The following KAT2A variants were observed in gnomAD, a reference collection of about 807,000 sequenced individuals.
KAT2A encodes lysine acetyltransferase 2A, also known as histone acetyltransferase KAT2A.
Under a neutral mutation model 95.2 loss-of-function variants are expected in KAT2A, and 42 were observed. The ratio of observed to expected loss-of-function variants is 0.44; its 90% confidence interval spans 0.34 to 0.57. The LOEUF (loss-of-function observed/expected upper bound fraction) is 0.57, where lower values mean the gene tolerates loss of function less well. KAT2A is among the 20% of genes least tolerant of loss of function. The pLI is 0.01. For synonymous variants in KAT2A, 449 were observed against 448.2 expected (o/e 1.00, Z -0.02); for missense variants, 784 against 1,126.3 (o/e 0.70, Z 4.35).
chr17:42,114,799 G>C lies in KAT2A; in HGVS notation c.2019+93C>G, dbSNP rs1482499270. The C allele has an allele frequency of 6.6e-6, 9 of 1,362,000 alleles. No individual in the cohort carries two copies. The highest frequency in any genetic ancestry group is 8.3e-6 in the Non-Finnish European group (8 of 963,574). 84.4% of individuals were successfully genotyped at this position (1,362,000 alleles called of 1,614,324 possible). ...CCCCTCCTCACTCACACACATATAT[G>C]CATGTAGACGTAGAACAGGTCTACA... is the stretch of plus-strand genomic sequence containing the variant. On this transcript the variant is annotated intron_variant, in intron 13 of 17. Transcript: ENST00000225916. The surrounding 1 kb of genome is among the most constrained non-coding windows in gnomAD (Gnocchi z 6.0).
At position 42,117,202 on chromosome 17, in the gene KAT2A, C is replaced by A; in HGVS notation, c.1638-41G>T. The A allele has an allele frequency of 6.2e-7, 1 of 1,611,032 alleles. No individual in the cohort carries two copies. Among genetic ancestry groups the A allele is most frequent in the South Asian group, 1.1e-5 (1 of 90,910 alleles). ...GCATGTCATAGCCCCTGACTGTCCC[C>A]TTCAGGTCCCCAGAGCCCTGGAAGT... On this transcript the variant is annotated intron_variant, in intron 10 of 17. Coordinates refer to ENST00000225916, the MANE Select transcript of KAT2A (RefSeq NM_021078.3). The surrounding 1 kb of genome is among the most constrained non-coding windows in gnomAD (Gnocchi z 8.9).
In KAT2A at chr17:42,119,422, C is replaced by A. The variant is rs2054304976; in HGVS notation, c.896G>T (p.Cys299Phe). ...KVNYTRWLCY[C>F]HVPQSCDSLP... ...GCTATCACAGCTCTGGGGCACGTGG[C>A]AGTAACAGAGCCATCTGGAGTAGGG... Residue 299 changes from cysteine (C) to phenylalanine (F), a missense_variant, in exon 6 of 18, where the codon TGC becomes TTC. Physicochemically the swap from Cys to Phe is radical, Grantham distance 205. This residue lies in a region of KAT2A where 208 missense variants were observed against 339.7 expected (regional missense o/e 0.61). Coordinates refer to ENST00000225916, the MANE Select transcript of KAT2A (RefSeq NM_021078.3). This position sits in a 1 kb window ranked among gnomAD's most constrained non-coding sequence, Gnocchi z 5.3. The A allele has an allele frequency of 6.2e-7, 1 of 1,611,546 alleles. No individual in the cohort carries two copies. Among genetic ancestry groups the A allele is most frequent in the Non-Finnish European group, 8.5e-7 (1 of 1,178,314 alleles).
Position 42,116,356 on chromosome 17 carries a change from G to C in KAT2A, c.1765-523C>G, listed in dbSNP as rs548764162. On this transcript the variant is annotated intron_variant, in intron 11 of 17. Coordinates refer to ENST00000225916, the MANE Select transcript of KAT2A (RefSeq NM_021078.3). ...GAGGTATGCGACACACAGAGCCAGA[G>C]ACCCTACGAGTGGGTCTGTTGTAAC... Among the ~76,000 whole-genome samples the C allele has an allele frequency of 2.6e-5, 4 of 152,328 alleles. No individual in the cohort carries two copies. The East Asian group carries it at 5.8e-4, about 22-fold the overall frequency.
chr17:42,120,698 T>C lies in KAT2A; in HGVS notation c.463+8A>G. On this transcript the variant is annotated splice_region_variant and intron_variant, in intron 2 of 17. Transcript: ENST00000225916. Reference sequence around the variant, plus strand: ...TGCCCCCAGCTCCAAGGGCGCTGCCTGCCTTACCCAAGGGGTGCTCACAAC... The same window carrying C: ...TGCCCCCAGCTCCAAGGGCGCTGCCCGCCTTACCCAAGGGGTGCTCACAAC... 1 of 1,613,966 alleles carries C rather than the reference T, an allele frequency of 6.2e-7. No homozygotes were observed.
rs1162715824 is a variant in KAT2A, at chr17:42,120,984, C to T, written c.321G>A (p.Gly107=). The T allele has an allele frequency of 6.3e-7, 1 of 1,589,908 alleles. No individual in the cohort carries two copies. Among genetic ancestry groups the T allele is most frequent in the Admixed American group, 1.7e-5 (1 of 57,726 alleles). The change falls in exon 1 of 18, where the codon GGG becomes GGA. Residue 107 remains glycine (G), a synonymous_variant. Coordinates refer to ENST00000225916, the MANE Select transcript of KAT2A (RefSeq NM_021078.3). ...CCCCCACCTTGCAAGCCGAGAAGAC[C>T]CCTAGCTTCTCAAGCTTCTTGGCGC... ...LPRAKKLEKL[G]VFSACKANET... is the part of the protein sequence containing the mutation.
In KAT2A at chr17:42,114,023, T is replaced by C; in HGVS notation, c.2297A>G (p.Tyr766Cys). The C allele has an allele frequency of 6.6e-7, 1 of 1,519,136 alleles. No individual in the cohort carries two copies. The highest frequency in any genetic ancestry group is 2.7e-5 in the Admixed American group (1 of 37,628). 94.1% of individuals were successfully genotyped at this position (1,519,136 alleles called of 1,614,324 possible). The change falls in exon 17 of 18, where the codon TAC becomes TGC. Residue 766 changes from tyrosine (Y) to cysteine (C), a missense_variant. Tyr to Cys is a radical substitution (Grantham distance 194). Around this residue, in one of 6 missense-constraint regions of KAT2A, gnomAD observed 195 missense variants for 247.1 expected, o/e 0.79. Transcript: ENST00000225916. The surrounding 1 kb of genome is among the most constrained non-coding windows in gnomAD (Gnocchi z 6.0). Reference sequence around the variant, plus strand: ...ACCAATGGGGAAGCGGATGACCTCGTAGTAGTCAGGGGCCTCCGACTTCTT... The same window carrying C: ...ACCAATGGGGAAGCGGATGACCTCGCAGTAGTCAGGGGCCTCCGACTTCTT... ...PVKKSEAPDY[Y>C]EVIRFPIDLK...
At position 42,118,001 on chromosome 17, in the gene KAT2A, C is replaced by T. The variant is rs782764342; in HGVS notation, c.1197G>A (p.Ala399=). ...TGAAGATGGGGGTGCTGGGAACAAC[C>T]GCTGCACTGACTGAAGCTGAGGAGA... ...LVPRPASVSA[A]VVPSTPIFSP... The change falls in exon 8 of 18, where the codon GCG becomes GCA. Residue 399 remains alanine (A), a synonymous_variant. Transcript: ENST00000225916. 6.9e-6 allele frequency: 11 copies of T among 1,597,802 alleles called. No individual in the cohort carries two copies. The highest frequency in any genetic ancestry group is 3.3e-4 in the Middle Eastern group (2 of 6,020).
chr17:42,121,245 C>G lies in KAT2A; in HGVS notation c.60G>C (p.Gln20His), dbSNP rs1485300916. ...TCGGAGTTGGGGCAGGGGCTGGGGACTGAAGGGGCCGGGGCTGCGCAGCCG... is the reference window on the plus strand; with the variant it reads ...TCGGAGTTGGGGCAGGGGCTGGGGAGTGAAGGGGCCGGGGCTGCGCAGCCG... Reference protein sequence around the residue: ...PAPAAQPRPLQSPAPAPTPTP... With the variant: ...PAPAAQPRPLHSPAPAPTPTP... Residue 20 changes from glutamine to histidine, a missense_variant, in exon 1 of 18, where the codon CAG (glutamine) becomes CAC (histidine). By Grantham distance (24) the Gln-to-His change is conservative. This residue lies in a region of KAT2A where 142 missense variants were observed against 123.2 expected (regional missense o/e 1.15). Coordinates refer to ENST00000225916, the MANE Select transcript of KAT2A (RefSeq NM_021078.3). 7.4e-7 allele frequency: 1 copy of G among 1,359,816 alleles called. No homozygotes were observed. Among genetic ancestry groups the G allele is most frequent in the East Asian group, 2.8e-5 (1 of 35,906 alleles). The allele number at this position is 1,359,816 out of a possible 1,614,324, so 84.2% of individuals were successfully genotyped here.
chr17:42,120,006 C>T (rs2054313151), intron 4 of KAT2A, 24 bp downstream of exon 4: 1 of 1,590,532 alleles, frequency 6.3e-7, no homozygotes, highest in South Asian at 1.1e-5. Flanking sequence ...CTCCTATCCG[C>T]TATCTCCAAT....
At position 42,121,053 on chromosome 17, in the gene KAT2A, C is replaced by G; in HGVS notation, c.252G>C (p.Gln84His). ...GDPARPGLSQ[Q>H]QRASQRKAQV... is the part of the protein sequence containing the mutation. ...GCGCCTTCCTCTGACTGGCGCGCTG[C>G]TGCTGGCTCAGGCCAGGTCGAGCCG... The change falls in exon 1 of 18, where the codon CAG (glutamine) becomes CAC (histidine). Residue 84 changes from glutamine (Q) to histidine (H), a missense_variant. Physicochemically the swap from Gln to His is conservative, Grantham distance 24. Around this residue, in one of 6 missense-constraint regions of KAT2A, gnomAD observed 142 missense variants for 123.2 expected, o/e 1.15. Transcript: ENST00000225916. The G allele has an allele frequency of 6.3e-7, 1 of 1,584,836 alleles. No homozygotes were observed. The highest frequency in any genetic ancestry group is 8.6e-7 in the Non-Finnish European group (1 of 1,167,744).
chr17:42,119,906 A>G lies in KAT2A; in HGVS notation c.699+124T>C. On this transcript the variant is annotated intron_variant, in intron 4 of 17. Coordinates refer to ENST00000225916, the MANE Select transcript of KAT2A (RefSeq NM_021078.3). The surrounding 1 kb of genome is among the most constrained non-coding windows in gnomAD (Gnocchi z 5.3). ...ATGCCCACCCTGAGGTTAGCACAAA[A>G]CACCCTTCCTTCTCTGAACCTCCCC... 4 of 1,058,510 alleles carry G rather than the reference A, an allele frequency of 3.8e-6. No individual in the cohort carries two copies. The highest frequency in any genetic ancestry group is 1.6e-5 in the African/African-American group (1 of 64,290). The allele number at this position is 1,058,510 out of a possible 1,614,324, so 65.6% of individuals were successfully genotyped here.
Position 42,119,127 on chromosome 17 carries a change from C to T in KAT2A, c.1073+118G>A. Reference sequence around the variant, plus strand: ...AGTCTGCCAGGTAGACGCCCAGATCCCAAAAGGCCCATGGAGGGAGAGGAG... The same window carrying T: ...AGTCTGCCAGGTAGACGCCCAGATCTCAAAAGGCCCATGGAGGGAGAGGAG... On this transcript the variant is annotated intron_variant, in intron 6 of 17. Transcript: ENST00000225916. The surrounding 1 kb of genome is among the most constrained non-coding windows in gnomAD (Gnocchi z 5.3). 6.7e-7 allele frequency: 1 copy of T among 1,503,090 alleles called. No homozygotes were observed. The highest frequency in any genetic ancestry group is 8.9e-7 in the Non-Finnish European group (1 of 1,127,502). 93.1% of individuals were successfully genotyped at this position (1,503,090 alleles called of 1,614,324 possible). A position where few individuals can be genotyped will look rare whatever the true frequency, so the allele number is the denominator to read the frequency against.
chr17:42,120,656 A>G (rs1555667102), intron 2 of KAT2A, 50 bp downstream of exon 2: 1 of 1,610,130 alleles, frequency 6.2e-7, no homozygotes, highest in East Asian at 2.2e-5. Flanking sequence ...CACCCTGTCC[A>G]AGCAGGACCC....
Position 42,114,704 on chromosome 17 carries a change from G to A in KAT2A, c.2020-100C>T, listed in dbSNP as rs997067115. The stretch of plus-strand genomic sequence containing the variant: ...CTGGCTGCACCCACCCAGCTGCAAC[G>A]CCACCTAATCCAGCACCTCCCCTCA... On this transcript the variant is annotated intron_variant, in intron 13 of 17. Transcript: ENST00000225916. This position sits in a 1 kb window ranked among gnomAD's most constrained non-coding sequence, Gnocchi z 6.0. The A allele has an allele frequency of 4.9e-6, 6 of 1,214,688 alleles. No individual in the cohort carries two copies. In the African/African-American group the frequency reaches 6.0e-5, roughly 12 times the overall value. The allele number at this position is 1,214,688 out of a possible 1,614,324, so 75.2% of individuals were successfully genotyped here. A position where few individuals can be genotyped will look rare whatever the true frequency, so the allele number is the denominator to read the frequency against.
Position 42,114,231 on chromosome 17 carries a change from CAGCAGGTTTT to C in KAT2A, c.2213_2222del (p.Lys738ArgfsTer17). The C allele has an allele frequency of 1.9e-6, 3 of 1,597,494 alleles. No homozygotes were observed. Among genetic ancestry groups the C allele is most frequent in the Non-Finnish European group, 2.6e-6 (3 of 1,170,650 alleles). On this transcript the variant is annotated frameshift_variant, in exon 16 of 18. Coordinates refer to ENST00000225916, the MANE Select transcript of KAT2A (RefSeq NM_021078.3). LOFTEE classifies it high-confidence loss of function. The surrounding 1 kb of genome is among the most constrained non-coding windows in gnomAD (Gnocchi z 6.0). ...CTGGTCTCCCCACCTTGATTTGGGC[CAGCAGGTTTT>C]TGAGGGTTGTGTAGAGCTGGTCGGG...
At chr17:42,118,912 A>G in intron 6 of KAT2A, 1 of 644,556 alleles carries the variant, frequency 1.6e-6, no homozygotes, top group African/African-American at 1.9e-5. Flanking sequence ...AATTGGTTTC[A>G]CTTCAAGCTT....
Position 42,121,072 on chromosome 17 carries a change from C to A in KAT2A, c.233G>T (p.Arg78Leu). Reference sequence around the variant, plus strand: ...GCGCTGCTGCTGGCTCAGGCCAGGTCGAGCCGGATCCCCCCCGCTCCCGGC... The same window carrying A: ...GCGCTGCTGCTGGCTCAGGCCAGGTAGAGCCGGATCCCCCCCGCTCCCGGC... ...GGAGSGGDPA[R>L]PGLSQQQRAS... Residue 78 changes from arginine (R) to leucine (L), a missense_variant, in exon 1 of 18, where the codon CGA (arginine) becomes CTA (leucine). By Grantham distance (102) the Arg-to-Leu change is moderately radical (BLOSUM62 -2). Coordinates refer to ENST00000225916, the MANE Select transcript of KAT2A (RefSeq NM_021078.3). The A allele has an allele frequency of 6.4e-7, 1 of 1,568,318 alleles. No homozygotes were observed. Among genetic ancestry groups the A allele is most frequent in the Admixed American group, 1.8e-5 (1 of 55,418 alleles).
Position 42,117,628 on chromosome 17 carries a change from TC to T in KAT2A, c.1429-33del. On this transcript the variant is annotated intron_variant, in intron 9 of 17. Transcript: ENST00000225916. The surrounding 1 kb of genome is among the most constrained non-coding windows in gnomAD (Gnocchi z 8.9). Reference sequence around the variant, plus strand: ...ACAGAAGAGGGGTGGTGAGCCGGGGTCTCAGGTTGGTGGGGGTCCCCCAACT... The same window carrying T: ...ACAGAAGAGGGGTGGTGAGCCGGGGTTCAGGTTGGTGGGGGTCCCCCAACT... The T allele has an allele frequency of 6.2e-7, 1 of 1,606,026 alleles. No individual in the cohort carries two copies. Among genetic ancestry groups the T allele is most frequent in the East Asian group, 2.2e-5 (1 of 44,656 alleles).
rs145784964 is a variant in KAT2A, at chr17:42,119,620, G to A, written c.798C>T (p.Asn266=). Residue 266 remains asparagine (N), a synonymous_variant, in exon 5 of 18, where the codon AAC becomes AAT. Transcript: ENST00000225916. This position sits in a 1 kb window ranked among gnomAD's most constrained non-coding sequence, Gnocchi z 5.3. ...GGGCAGGTGTCTCAAGCTTCCAGTA[G>A]TTAAGGCAGAGCAAGAACATCTTTG... is the stretch of plus-strand genomic sequence containing the variant. ...ELSKMFLLCL[N]YWKLETPAQF... is the part of the protein sequence containing the mutation. 8.6e-5 allele frequency: 138 copies of A among 1,613,972 alleles called. 1 individual carries two copies. Among genetic ancestry groups the A allele is most frequent in the South Asian group, 7.6e-4 (69 of 91,076 alleles).
Sources: allele counts gnomAD v4.1 joint callset (sites outside exome capture counted in the v4.1 genomes callset), GRCh38; gene constraint gnomAD v4.1.1; regional missense constraint gnomAD v4.1.1; non-coding constraint Gnocchi (gnomAD v3.1); transcripts MANE v1.5; gene names NCBI Gene and HGNC (gene_info 2026-07-23, HGNC 2026-07-21).